SAGE1: variants seen among roughly 807,000 people sequenced by gnomAD.
SAGE1 encodes cancer/testis antigen 14.
In SAGE1, 55 loss-of-function variants were observed where a neutral mutation model predicts 55.4. That is an observed-to-expected ratio of 0.99 (90% CI 0.80 to 1.24). The LOEUF is 1.24. Ranked by LOEUF, SAGE1 falls within the 50% of genes most tolerant of loss-of-function variation. The pLI, the probability that SAGE1 is intolerant of heterozygous loss-of-function variation, is 0.00. For synonymous variants in SAGE1, 240 were observed against 244.3 expected (o/e 0.98, Z 0.17); for missense variants, 710 against 704.4 (o/e 1.01, Z -0.09).
At chrX:135,904,609 A>AG (rs782819656) in intron 4 of SAGE1, 40 bp downstream of exon 4, 178 of 896,949 alleles carry the variant, frequency 2.0e-4, no homozygotes, top group Admixed American at 5.7e-4. Flanking sequence ...ATGAGTATGA[A>AG]ATTCATCCAT....
At chrX:135,905,443 A>G (rs1556600128) in intron 5 of SAGE1, 51 bp downstream of exon 5, 4 of 1,110,940 alleles carry the variant, frequency 3.6e-6, no homozygotes, top group Admixed American at 2.3e-5. Context: ...ATAAGCATGG[A>G]TATTTTCATG....
chrX:135,907,706 A>G lies in SAGE1; in HGVS notation c.1024A>G (p.Thr342Ala), dbSNP rs541496956. 4 of 1,207,745 alleles carry G rather than the reference A, an allele frequency of 3.3e-6. No individual in the cohort carries two copies. The highest frequency in any genetic ancestry group is 4.4e-5 in the Admixed American group (2 of 45,525). The change falls in exon 10 of 20, where the codon ACC becomes GCC. Residue 342 changes from threonine (T) to alanine (A), a missense_variant. By Grantham distance (58) the Thr-to-Ala change is moderately conservative (BLOSUM62 0). Coordinates refer to ENST00000370709, the MANE Select transcript of SAGE1 (RefSeq NM_001381902.1). Reference protein sequence around the residue: ...PGMNTRDQYATITHNVCEERV... With the variant: ...PGMNTRDQYAAITHNVCEERV... ...GCTTTTCATTTGGTTTCCAGATGCT[A>G]CCATCACTCACAATGTCTGTGAAGA... is the stretch of plus-strand genomic sequence containing the variant.
At position 135,907,720 on chromosome X, in the gene SAGE1, T is replaced by C. The variant is rs1556602787; in HGVS notation, c.1038T>C (p.Asn346=). The C allele has an allele frequency of 8.3e-7, 1 of 1,209,691 alleles. No homozygotes were observed. The highest frequency in any genetic ancestry group is 1.8e-5 in the South Asian group (1 of 56,746). ...TRDQYATITH[N]VCEERVVNNQ... is the part of the protein sequence containing the mutation. Reference sequence around the variant, plus strand: ...TTCCAGATGCTACCATCACTCACAATGTCTGTGAAGAGAGAGTGGTAAATA... The same window carrying C: ...TTCCAGATGCTACCATCACTCACAACGTCTGTGAAGAGAGAGTGGTAAATA... The change falls in exon 10 of 20, where the codon AAT becomes AAC. Residue 346 remains asparagine, a synonymous_variant. Coordinates refer to ENST00000370709, the MANE Select transcript of SAGE1 (RefSeq NM_001381902.1).
chrX:135,896,189 A>G (rs2088581382), intron 1 of SAGE1, 54 bp from the exon 2 acceptor site: 1 of 889,821 alleles, frequency 1.1e-6, no homozygotes, highest in African/African-American at 1.9e-5. Context: ...CGTTCCAGTT[A>G]TAAATCAAAG....
intron 15 of SAGE1, 96 bp from the exon 16 acceptor site, chrX:135,910,319 T>C (rs1224688829): frequency 9.5e-7 from 1 of 1,052,850 alleles, no homozygotes; most frequent in South Asian, 2.1e-5. Context: ...TCCTTCTTAA[T>C]GAGATAATTT....
intron 4 of SAGE1, 76 bp downstream of exon 4, chrX:135,904,645 A>G (rs1474745297): frequency 1.7e-6 from 1 of 592,368 alleles, no homozygotes; most frequent in East Asian, 3.6e-5. Flanking sequence ...GTACTGTCCT[A>G]CTTGGTTTCC....
chrX:135,907,489 T>A (rs1457635213), intron 9 of SAGE1, 36 bp downstream of exon 9: 2 of 1,148,146 alleles, frequency 1.7e-6, no homozygotes, highest in Admixed American at 4.6e-5. Context: ...TCCTAGTTGG[T>A]TTACATATGA....
rs781825682 is a variant in SAGE1, at chrX:135,901,631, A to G, written c.160A>G (p.Lys54Glu). ...QSKKKHSRKS[K>E]RHSSSKRRKS... is the part of the protein sequence containing the mutation. ...CAAAAAGAAACATTCCAGAAAATCCAAGAGACACTCTTCATCTAAGAGAAG... is the reference window on the plus strand; with the variant it reads ...CAAAAAGAAACATTCCAGAAAATCCGAGAGACACTCTTCATCTAAGAGAAG... Residue 54 changes from lysine (K) to glutamate (E), a missense_variant, in exon 3 of 20, where the codon AAG (lysine) becomes GAG (glutamate). Lys to Glu is a moderately conservative substitution (Grantham distance 56). Transcript: ENST00000370709. 1 of 1,209,286 alleles carries G rather than the reference A, an allele frequency of 8.3e-7. No homozygotes were observed. Among genetic ancestry groups the G allele is most frequent in the East Asian group, 3.0e-5 (1 of 33,828 alleles).
At position 135,897,945 on chromosome X, in the gene SAGE1, G is replaced by A. The variant is rs1265577939; in HGVS notation, c.87+1616G>A. Reference sequence around the variant, plus strand: ...GTGCTGTTTGGTTTTCTTTTCTTGCGTTAGTTTCCTGATGATAACGGCTTC... The same window carrying A: ...GTGCTGTTTGGTTTTCTTTTCTTGCATTAGTTTCCTGATGATAACGGCTTC... On this transcript the variant is annotated intron_variant, in intron 2 of 19. Coordinates refer to ENST00000370709, the MANE Select transcript of SAGE1 (RefSeq NM_001381902.1). Among the ~76,000 whole-genome samples the A allele has an allele frequency of 2.7e-5, 3 of 112,045 alleles. No individual in the cohort carries two copies. The East Asian group carries it at 8.4e-4, about 31-fold the overall frequency.
At chrX:135,900,981 C>G (rs1289386025) in intron 2 of SAGE1, among the ~76,000 whole-genome samples, 1 of 108,858 alleles carries the variant, frequency 9.2e-6, no homozygotes, top group Non-Finnish European at 1.9e-5. Flanking sequence ...CCCATCTCTA[C>G]TAAAAATACA....
chrX:135,907,861 G>T lies in SAGE1; in HGVS notation c.1159+20G>T. 8.3e-7 allele frequency: 1 copy of T among 1,198,038 alleles called. No homozygotes were observed. Among genetic ancestry groups the T allele is most frequent in the Non-Finnish European group, 1.1e-6 (1 of 883,973 alleles). ...ATCAGCGTAAGTTTGTTTACTAGTT[G>T]TGGTGTCCTACTTGGTTTCCATATG... On this transcript the variant is annotated intron_variant, in intron 10 of 19. Coordinates refer to ENST00000370709, the MANE Select transcript of SAGE1 (RefSeq NM_001381902.1).
intron 7 of SAGE1, 69 bp downstream of exon 7, chrX:135,906,620 C>T (rs368063327): frequency 1.2e-6 from 1 of 830,589 alleles, no homozygotes; most frequent in South Asian, 2.7e-5. Flanking sequence ...AAAAAGCATA[C>T]AAGGTGGTTT....
chrX:135,912,771 G>T, intron 19 of SAGE1, 27 bp from the exon 20 acceptor site: 1 of 1,197,886 alleles, frequency 8.3e-7, no homozygotes, highest in South Asian at 1.8e-5. Flanking sequence ...GTATCCTCTG[G>T]TGAATGGAAT....
chrX:135,903,986 T>G (rs1332978747), intron 3 of SAGE1, among the ~76,000 whole-genome samples: 6 of 112,054 alleles, frequency 5.4e-5, no homozygotes, highest in Admixed American at 1.9e-4. Context: ...AAATAAATAA[T>G]TCTTTAGAAC....
rs184420038 is a variant in SAGE1 at position 135,904,382 on chromosome X, G to A, written c.221-95G>A. 2.2e-4 allele frequency: 119 copies of A among 541,086 alleles called. No homozygotes were observed. In the African/African-American group the frequency reaches 2.7e-3, roughly 12 times the overall value. 44.6% of individuals were successfully genotyped at this position (541,086 alleles called of 1,213,427 possible). Reference sequence around the variant, plus strand: ...CCTGGTATATCCTTCTTCTTTATGAGATAATTTCCTAGATACTGAGCATCA... The same window carrying A: ...CCTGGTATATCCTTCTTCTTTATGAAATAATTTCCTAGATACTGAGCATCA... On this transcript the variant is annotated intron_variant, in intron 3 of 19. Coordinates refer to ENST00000370709, the MANE Select transcript of SAGE1 (RefSeq NM_001381902.1).
rs782192820 is a variant in SAGE1 at position 135,908,588 on chromosome X, G to C, written c.1412G>C (p.Ser471Thr). Residue 471 changes from serine (S) to threonine (T), a missense_variant, in exon 12 of 20, where the codon AGT becomes ACT. By Grantham distance (58) the Ser-to-Thr change is moderately conservative. Coordinates refer to ENST00000370709, the MANE Select transcript of SAGE1 (RefSeq NM_001381902.1). ...LSGLINMAGA[S>T]IPAMSSRDLY... ...GGGCTTATTAATATGGCAGGAGCTA[G>C]TATTCCAGCAATGAGTTCCAGGGAT... The C allele has an allele frequency of 1.8e-5, 22 of 1,201,115 alleles. No individual in the cohort carries two copies. The highest frequency in any genetic ancestry group is 2.4e-5 in the Non-Finnish European group (21 of 891,502).
rs141521507 is a variant in SAGE1 at position 135,907,767 on chromosome X, C to T, written c.1085C>T (p.Ala362Val). 417 of 1,206,273 alleles carry T rather than the reference C, an allele frequency of 3.5e-4. No homozygotes were observed. The highest frequency in any genetic ancestry group is 4.5e-4 in the Non-Finnish European group (401 of 892,444). The change falls in exon 10 of 20, where the codon GCC becomes GTC. Residue 362 changes from alanine to valine, a missense_variant. Physicochemically the swap from Ala to Val is moderately conservative, Grantham distance 64 (BLOSUM62 0). Coordinates refer to ENST00000370709, the MANE Select transcript of SAGE1 (RefSeq NM_001381902.1). Reference protein sequence around the residue: ...VVNNQPLPSNALSTVLPGLAY... With the variant: ...VVNNQPLPSNVLSTVLPGLAY... ...AATAACCAACCACTACCTAGTAACG[C>T]CTTGTCAACTGTTCTACCAGGGCTT...
chrX:135,904,310 G>T (rs1274997638), intron 3 of SAGE1, among the ~76,000 whole-genome samples, 167 bp from the exon 4 acceptor site: 1 of 111,488 alleles, frequency 9.0e-6, no homozygotes, highest in Non-Finnish European at 1.9e-5. Context: ...AGGTAATTTT[G>T]TTGTATTATC....
At chrX:135,909,387 GATCAGT>G (rs782532620) in intron 13 of SAGE1, among the ~76,000 whole-genome samples, 1 of 112,090 alleles carries the variant, frequency 8.9e-6, no homozygotes, top group Admixed American at 9.5e-5. Context: ...GAGTACCAGG[GATCAGT>G]GTATGTTTGT....
Sources: allele counts gnomAD v4.1 joint callset (sites outside exome capture counted in the v4.1 genomes callset), GRCh38; gene constraint gnomAD v4.1.1; transcripts MANE v1.5; gene names NCBI Gene and HGNC (gene_info 2026-07-23, HGNC 2026-07-21).